ARSG: variants seen among roughly 807,000 people sequenced by gnomAD.
The protein encoded by ARSG is arylsulfatase G.
ARSG carries 37 observed loss-of-function variants against 50.5 expected under a neutral mutation model. The observed-to-expected ratio is 0.73, with a 90% CI of 0.56 to 0.96. The LOEUF (loss-of-function observed/expected upper bound fraction) is 0.96, where lower values mean the gene tolerates loss of function less well. Ranked by LOEUF, ARSG falls within the 50% of genes least tolerant of loss-of-function variation. The pLI, the probability that ARSG is intolerant of heterozygous loss-of-function variation, is 0.00. For missense variants in ARSG, 629 were observed against 675.3 expected (o/e 0.93, Z 0.76); for synonymous variants, 225 against 254.6 (o/e 0.88, Z 1.11).
downstream of ARSG, among the ~76,000 whole-genome samples, chr17:68,425,364 C>T (rs1054487739): frequency 6.7e-6 from 1 of 148,592 alleles, no homozygotes; most frequent in African/African-American, 2.5e-5. Context: ...ACACCACACC[C>T]GGCTAATTTT....
intron 2 of ARSG, among the ~76,000 whole-genome samples, chr17:68,317,970 G>T (rs542422841): frequency 2.0e-5 from 3 of 152,148 alleles, no homozygotes; most frequent in East Asian, 3.9e-4. Flanking sequence ...GTGGTGGCGG[G>T]TGCCTGTAAT....
chr17:68,343,302 G>A (rs1386400552), intron 2 of ARSG, among the ~76,000 whole-genome samples: 3 of 152,096 alleles, frequency 2.0e-5, no homozygotes, highest in Non-Finnish European at 4.4e-5. Flanking sequence ...GACTACAGGC[G>A]CACGCCACTG....
At chr17:68,361,178 T>C (rs981769496) in intron 6 of ARSG, among the ~76,000 whole-genome samples, 2 of 152,058 alleles carry the variant, frequency 1.3e-5, no homozygotes, top group Non-Finnish European at 2.9e-5. Context: ...GTACTACACA[T>C]TGAAATCCTA....
At chr17:68,349,517 T>C (rs1350437934) in intron 4 of ARSG, among the ~76,000 whole-genome samples, 1 of 152,196 alleles carries the variant, frequency 6.6e-6, no homozygotes, top group Non-Finnish European at 1.5e-5. Flanking sequence ...TTCAGGGCTA[T>C]GTTGTGTACC....
At chr17:68,287,989 TC>T (rs1437345626), upstream of ARSG, among the ~76,000 whole-genome samples, 3 of 149,978 alleles carry the variant, frequency 2.0e-5, no homozygotes, top group African/African-American at 7.3e-5. Context: ...CTCCCTCCTT[TC>T]TTTTTTTTTT....
At chr17:68,262,191 G>T (rs577397389) in intron 1 of ARSG, among the ~76,000 whole-genome samples, 33 of 151,302 alleles carry the variant, frequency 2.2e-4, no homozygotes, top group African/African-American at 6.6e-4. Flanking sequence ...AAAAGAAAGG[G>T]CCGGGCGTAG....
the ARSG span, among the ~76,000 whole-genome samples, chr17:68,449,567 AGAGT>A: frequency 3.9e-5 from 6 of 152,208 alleles, no homozygotes; most frequent in Non-Finnish European, 8.8e-5. Flanking sequence ...CCCCCACCAT[AGAGT>A]GAGTGAGTTC....
intron 2 of ARSG, among the ~76,000 whole-genome samples, chr17:68,317,629 A>G (rs2077119929): frequency 6.6e-6 from 1 of 151,996 alleles, no homozygotes; most frequent in South Asian, 2.1e-4. Flanking sequence ...TAAGCAGCCA[A>G]CCTATTTTGC....
In ARSG at chr17:68,292,490, C is replaced by T. The variant is rs369788768; in HGVS notation, c.-552+922C>T. On this transcript the variant is annotated intron_variant, in intron 1 of 11. Transcript: ENST00000621439. Reference sequence around the variant, plus strand: ...ACTTAGCTTCTTGGTCTCTACCTCACATCCCGAGGGCAAATTTGGAAACTG... The same window carrying T: ...ACTTAGCTTCTTGGTCTCTACCTCATATCCCGAGGGCAAATTTGGAAACTG... 3.9e-5 allele frequency among the ~76,000 whole-genome samples: 6 copies of T among 152,364 alleles called. No individual in the cohort carries two copies. In the East Asian group the frequency reaches 9.6e-4, roughly 24 times the overall value.
At chr17:68,434,737 A>G in the ARSG span, 3 of 1,063,218 alleles carry the variant, frequency 2.8e-6, no homozygotes, top group Non-Finnish European at 4.1e-6. Context: ...TCTGAGGAGG[A>G]AGAACACCAC....
At chr17:68,315,307 C>T (rs981053975) in intron 2 of ARSG, among the ~76,000 whole-genome samples, 4 of 151,992 alleles carry the variant, frequency 2.6e-5, no homozygotes, top group African/African-American at 4.8e-5. Flanking sequence ...TTTGGGAGAT[C>T]GAGGCGGAAG....
At chr17:68,361,269 A>G (rs1037711334) in intron 6 of ARSG, among the ~76,000 whole-genome samples, 1 of 152,146 alleles carries the variant, frequency 6.6e-6, no homozygotes, top group African/African-American at 2.4e-5. Context: ...TGAAGCCCCC[A>G]TGTTGGGATT....
intron 2 of ARSG, among the ~76,000 whole-genome samples, chr17:68,319,995 A>G (rs970261095): frequency 6.6e-6 from 1 of 152,220 alleles, no homozygotes; most frequent in Non-Finnish European, 1.5e-5. Flanking sequence ...CCTGTTAAAG[A>G]TAGTGCCGTG....
At chr17:68,437,485 T>G in the ARSG span, among the ~76,000 whole-genome samples, 1 of 150,106 alleles carries the variant, frequency 6.7e-6, no homozygotes, top group Non-Finnish European at 1.5e-5. Flanking sequence ...AACCTGGAGG[T>G]GGAGGCTGCA....
chr17:68,374,170 A>AAAAG (rs554138050), intron 8 of ARSG, among the ~76,000 whole-genome samples: 44,183 of 144,156 alleles, frequency 0.31, 7,598 homozygotes, highest in Admixed American at 0.41. Flanking sequence ...AAAAAAAAAA[A>AAAAG]AAAAAGAAAC....
At chr17:68,297,091 C>T (rs1555758557) in intron 1 of ARSG, among the ~76,000 whole-genome samples, 2 of 152,178 alleles carry the variant, frequency 1.3e-5, no homozygotes, top group African/African-American at 4.8e-5. Flanking sequence ...TACAGAGTTT[C>T]CGCCCTGGAG....
In ARSG at chr17:68,342,016, C is replaced by T. The variant is rs1033835077; in HGVS notation, c.219-1588C>T. 5.9e-5 allele frequency among the ~76,000 whole-genome samples: 9 copies of T among 151,868 alleles called. No homozygotes were observed. In the East Asian group the frequency reaches 7.8e-4, roughly 13 times the overall value. On this transcript the variant is annotated intron_variant, in intron 2 of 11. Transcript: ENST00000621439. ...TGTATTTTTTGTGGAGATGGGGTTT[C>T]GCCATGTTGGCCAGGCTGGTCTCCA...
intron 5 of ARSG, among the ~76,000 whole-genome samples, chr17:68,353,950 C>A (rs2078914683): frequency 6.6e-6 from 1 of 151,734 alleles, no homozygotes; most frequent in Admixed American, 6.6e-5. Flanking sequence ...GATCTGCCTA[C>A]CTCGGCTTCC....
rs768254954 is a variant in ARSG, at chr17:68,420,194, G to A, written c.1309G>A (p.Ala437Thr). The A allele has an allele frequency of 1.2e-6, 2 of 1,613,916 alleles. No individual in the cohort carries two copies. The highest frequency in any genetic ancestry group is 3.3e-5 in the Admixed American group (2 of 59,998). ...TGTTGTCATTCCCTCTCTAGGTGGA[G>A]CCAGGGCGTGTGATGGGAGCACGGG... is the stretch of plus-strand genomic sequence containing the variant. ...RYKAFYITGG[A>T]RACDGSTGPE... The change falls in exon 12 of 12, where the codon GCC (alanine) becomes ACC (threonine). Residue 437 changes from alanine to threonine, a missense_variant. Coordinates refer to ENST00000621439, the MANE Select transcript of ARSG (RefSeq NM_001267727.2).
Sources: gnomAD v4.1 joint callset for allele counts (sites outside exome capture counted in the v4.1 genomes callset) on GRCh38, gnomAD v4.1.1 for gene constraint, MANE v1.5 for transcripts, NCBI Gene and HGNC (gene_info 2026-07-23, HGNC 2026-07-21) for gene names.